The following NFU1 variants were observed in gnomAD, a reference collection of about 807,000 sequenced individuals.
NFU1 encodes NFU1 iron-sulfur cluster scaffold homolog, mitochondrial.
NFU1 carries 30 observed loss-of-function variants against 32.2 expected under a neutral mutation model. That is an observed-to-expected ratio of 0.93 (90% CI 0.70 to 1.26). NFU1 has a LOEUF of 1.26. NFU1 is among the 50% of genes most tolerant of loss of function. The pLI is 0.00. For missense variants in NFU1, 306 were observed against 306.6 expected, an observed-to-expected ratio of 1.00 and a Z score of 0.02; for synonymous variants, 112 against 104.6, an observed-to-expected ratio of 1.07 and a Z score of -0.43.
chr2:69,428,004 CAG>C (rs953928673), intron 2 of NFU1, among the ~76,000 whole-genome samples: 2 of 152,032 alleles, frequency 1.3e-5, no homozygotes, highest in African/African-American at 4.8e-5. Flanking sequence ...GCCTGGGCAA[CAG>C]AGCAAGACTC....
intron 6 of NFU1, among the ~76,000 whole-genome samples, chr2:69,403,672 C>T (rs1672597416): frequency 6.6e-6 from 1 of 152,012 alleles, no homozygotes; most frequent in Admixed American, 6.6e-5. Flanking sequence ...GTGTGAGCAC[C>T]GTGCCCACCA....
chr2:69,399,528 T>G (rs1414594491), intron 7 of NFU1: 1 of 232,202 alleles, frequency 4.3e-6, no homozygotes, highest in Non-Finnish European at 8.7e-6. Context: ...CCAGTTGTGT[T>G]AATCCTTAAT....
intron 5 of NFU1, among the ~76,000 whole-genome samples, chr2:69,409,224 T>C (rs1283888946): frequency 6.6e-6 from 1 of 152,196 alleles, no homozygotes; most frequent in Non-Finnish European, 1.5e-5. Flanking sequence ...AAAGAATACA[T>C]GTAACTGTTT....
At position 69,415,308 on chromosome 2, in the gene NFU1, A is replaced by G; in HGVS notation, c.370-9T>C. ...TCTAATTCTTCATTTTCCTATAAAC[A>G]TTTAAAGGAAAATGCTGTATTTCCA... On this transcript the variant is annotated splice_polypyrimidine_tract_variant and intron_variant, in intron 4 of 7. Coordinates refer to ENST00000410022, the MANE Select transcript of NFU1 (RefSeq NM_001002755.4). 2.7e-6 allele frequency: 4 copies of G among 1,495,448 alleles called. No individual in the cohort carries two copies. Among genetic ancestry groups the G allele is most frequent in the Non-Finnish European group, 3.7e-6 (4 of 1,073,332 alleles). The allele number at this position is 1,495,448 out of a possible 1,614,324, so 92.6% of individuals were successfully genotyped here. A position where few individuals can be genotyped will look rare whatever the true frequency, so the allele number is the denominator to read the frequency against.
In NFU1 at chr2:69,424,202, T is replaced by A. The variant is rs201694863; in HGVS notation, c.167-485A>T. Among the ~76,000 whole-genome samples the A allele has an allele frequency of 7.4e-3, 784 of 105,404 alleles. 5 individuals carry two copies. Among genetic ancestry groups the A allele is most frequent in the East Asian group, 0.011 (29 of 2,654 alleles). The allele number at this position is 105,404 out of a possible 152,430, so 69.1% of individuals were successfully genotyped here. ...AAAAAAAAAAAAAAAAAAAAAAATA[T>A]ATATATATATATATATATCTCAATA... On this transcript the variant is annotated intron_variant, in intron 2 of 7. Transcript: ENST00000410022.
At chr2:69,396,031 T>A, downstream of NFU1, 2 of 473,588 alleles carry the variant, frequency 4.2e-6, no homozygotes, top group Non-Finnish European at 3.7e-6. Context: ...GGGACAAAAA[T>A]AAAAATATCC....
intron 2 of NFU1, among the ~76,000 whole-genome samples, chr2:69,424,442 T>C (rs1673388170): frequency 6.6e-6 from 1 of 151,578 alleles, no homozygotes; most frequent in Admixed American, 6.6e-5. Flanking sequence ...GCGTGCACCA[T>C]CAGACCTAGT....
rs748188386 is a variant in NFU1, at chr2:69,419,604, C to A, written c.303G>T (p.Arg101Ser). ...PAAAFRSPLARQLFRIEGVKS... is the reference protein window; with the variant it reads ...PAAAFRSPLASQLFRIEGVKS... ...TTACTCCTTCAATCCTAAATAACTG[C>A]CTGCAAAAAAAGAAAAAATAAGAGA... The change falls in exon 4 of 8, where the codon AGG becomes AGT. Residue 101 changes from arginine to serine, a missense_variant and splice_region_variant. Physicochemically the swap from Arg to Ser is moderately radical, Grantham distance 110. Transcript: ENST00000410022. 6.4e-7 allele frequency: 1 copy of A among 1,567,170 alleles called. No homozygotes were observed. Among genetic ancestry groups the A allele is most frequent in the East Asian group, 2.2e-5 (1 of 44,526 alleles).
intron 1 of NFU1, among the ~76,000 whole-genome samples, chr2:69,434,150 T>C (rs56289355): frequency 0.65 from 93,002 of 142,392 alleles, 30,823 homozygotes; most frequent in African/African-American, 0.86. Flanking sequence ...TTTTTTTTTC[T>C]TTTTTTTTTT....
At chr2:69,424,198 A>AAAAAT (rs1558840147) in intron 2 of NFU1, among the ~76,000 whole-genome samples, 1 of 74,540 alleles carries the variant, frequency 1.3e-5, no homozygotes, top group African/African-American at 5.3e-5. Context: ...AAAAAAAAAA[A>AAAAAT]ATATATATAT....
rs368608126 is a variant in NFU1 at position 69,437,388 on chromosome 2, G to A, written c.35C>T (p.Ala12Val). Residue 12 changes from alanine to valine, a missense_variant, in exon 1 of 8, where the codon GCG becomes GTG. Ala to Val is a moderately conservative substitution (Grantham distance 64). Transcript: ENST00000410022. Reference protein sequence around the residue: ...AATARRGWGAAAVAAGLRRRF... With the variant: ...AATARRGWGAVAVAAGLRRRF... ...CCTGCGCAGCCCGGCGGCAACAGCCGCAGCTCCCCAGCCCCGCCTGGCCGT... is the reference window on the plus strand; with the variant it reads ...CCTGCGCAGCCCGGCGGCAACAGCCACAGCTCCCCAGCCCCGCCTGGCCGT... 22 of 1,609,432 alleles carry A rather than the reference G, an allele frequency of 1.4e-5. No individual in the cohort carries two copies. The African/African-American group carries it at 2.4e-4, about 18-fold the overall frequency.
chr2:69,411,453 A>G (rs1672874977), intron 5 of NFU1, among the ~76,000 whole-genome samples: 1 of 152,228 alleles, frequency 6.6e-6, no homozygotes, highest in Non-Finnish European at 1.5e-5. Context: ...CCACATTAAA[A>G]TGAAAATTTT....
intron 2 of NFU1, among the ~76,000 whole-genome samples, chr2:69,427,169 T>C (rs1487318752): frequency 7.0e-6 from 1 of 141,996 alleles, no homozygotes; most frequent in Non-Finnish European, 1.5e-5. Flanking sequence ...GTGGATCACC[T>C]GAGGTCAGGA....
intron 2 of NFU1, among the ~76,000 whole-genome samples, chr2:69,429,453 T>C (rs1484233026): frequency 6.6e-6 from 1 of 151,254 alleles, no homozygotes; most frequent in African/African-American, 2.4e-5. Flanking sequence ...TCCAGCTACA[T>C]AGGAGGCTAA....
At chr2:69,419,424 A>C in intron 4 of NFU1, 114 bp downstream of exon 4, 1 of 667,918 alleles carries the variant, frequency 1.5e-6, no homozygotes, top group Non-Finnish European at 2.7e-6. Context: ...TGTCTCAAAA[A>C]TAAAATATAA....
intron 2 of NFU1, among the ~76,000 whole-genome samples, chr2:69,424,831 A>G (rs1302829105): frequency 3.3e-5 from 5 of 152,058 alleles, no homozygotes; most frequent in Admixed American, 6.6e-5. Flanking sequence ...TAATAGTAAT[A>G]ATAAAGTTAT....
At chr2:69,435,528 A>G (rs1256297193) in intron 1 of NFU1, among the ~76,000 whole-genome samples, 1 of 152,214 alleles carries the variant, frequency 6.6e-6, no homozygotes, top group Non-Finnish European at 1.5e-5. Flanking sequence ...TACTACCTTC[A>G]ATAATCTTTA....
intron 5 of NFU1, among the ~76,000 whole-genome samples, chr2:69,412,067 G>C (rs991303010): frequency 6.6e-6 from 1 of 151,938 alleles, no homozygotes; most frequent in East Asian, 1.9e-4. Flanking sequence ...ATTTTTTGGC[G>C]GGGGGACGGA....
intron 3 of NFU1, among the ~76,000 whole-genome samples, chr2:69,422,791 T>C (rs1191384934): frequency 2.0e-5 from 3 of 152,092 alleles, no homozygotes; most frequent in African/African-American, 7.2e-5. Context: ...TCACAGCTCA[T>C]AGTTTCCTTA....
Sources: allele counts gnomAD v4.1 joint callset (sites outside exome capture counted in the v4.1 genomes callset), GRCh38; gene constraint gnomAD v4.1.1; transcripts MANE v1.5; gene names NCBI Gene and HGNC (gene_info 2026-07-23, HGNC 2026-07-21).